DLGAP1: variants seen among roughly 807,000 people sequenced by gnomAD.
The protein encoded by DLGAP1 is disks large-associated protein 1.
A neutral mutation model predicts 90.8 loss-of-function variants in DLGAP1; 11 were observed. That is an observed-to-expected ratio of 0.12 (90% confidence interval 0.08 to 0.20). The LOEUF (loss-of-function observed/expected upper bound fraction) is 0.20, where lower values mean the gene tolerates loss of function less well. DLGAP1 is among the 10% of genes least tolerant of loss of function. The probability of loss-of-function intolerance (pLI) is 1.00; values close to 1 mark genes in which losing one functional copy is unlikely to be tolerated. For missense variants in DLGAP1, 1,050 were observed against 1,333.8 expected (o/e 0.79, Z 3.31); for synonymous variants, 558 against 540.7 (o/e 1.03, Z -0.44).
At chr18:3,795,251 T>C (rs2065931204) in intron 5 of DLGAP1, among the ~76,000 whole-genome samples, 1 of 152,188 alleles carries the variant, frequency 6.6e-6, no homozygotes. Context: ...GAGATTTTCT[T>C]ATTGGAAACT....
chr18:4,176,589 C>T (rs2144625718), intron 1 of DLGAP1, among the ~76,000 whole-genome samples: 1 of 152,314 alleles, frequency 6.6e-6, no homozygotes, highest in Non-Finnish European at 1.5e-5. Flanking sequence ...TCCTGCAACA[C>T]TACAGAAGTC....
At chr18:4,416,780 C>T (rs187105375) in intron 1 of DLGAP1, among the ~76,000 whole-genome samples, 1 of 152,278 alleles carries the variant, frequency 6.6e-6, no homozygotes, top group African/African-American at 2.4e-5. Context: ...CCATCACAGA[C>T]AGAATGGCAT....
intron 5 of DLGAP1, among the ~76,000 whole-genome samples, chr18:3,811,263 T>C (rs1053080133): frequency 4.6e-5 from 7 of 152,190 alleles, no homozygotes; most frequent in Admixed American, 3.9e-4. Flanking sequence ...GGGGATGTGA[T>C]GGTAGCACAG....
intron 11 of DLGAP1, among the ~76,000 whole-genome samples, chr18:3,505,044 C>G (rs2050140450): frequency 6.6e-6 from 1 of 152,136 alleles, no homozygotes; most frequent in African/African-American, 2.4e-5. Flanking sequence ...CAAAATAGAG[C>G]TATGATTTTT....
At chr18:4,437,374 A>C (rs574642553) in intron 1 of DLGAP1, among the ~76,000 whole-genome samples, 82 of 152,348 alleles carry the variant, frequency 5.4e-4, no homozygotes, top group African/African-American at 1.9e-3. Context: ...AATATCCATA[A>C]GGGAGTAGTT....
intron 1 of DLGAP1, among the ~76,000 whole-genome samples, chr18:4,362,829 C>CA (rs890356243): frequency 6.6e-6 from 1 of 151,956 alleles, no homozygotes; most frequent in Non-Finnish European, 1.5e-5. Flanking sequence ...CAAAGACATA[C>CA]AAGCAACTGA....
At chr18:4,272,789 G>A (rs1313650610) in intron 1 of DLGAP1, among the ~76,000 whole-genome samples, 1 of 152,198 alleles carries the variant, frequency 6.6e-6, no homozygotes, top group African/African-American at 2.4e-5. Context: ...ATGTGACCTT[G>A]TTTGGAAATG....
chr18:3,902,862 C>A (rs2071813751), intron 3 of DLGAP1, among the ~76,000 whole-genome samples: 1 of 151,976 alleles, frequency 6.6e-6, no homozygotes, highest in Non-Finnish European at 1.5e-5. Context: ...TGGCCTTGAG[C>A]CTTCCTCTCA....
chr18:4,016,057 C>T (rs893995986), intron 2 of DLGAP1, among the ~76,000 whole-genome samples: 1 of 152,186 alleles, frequency 6.6e-6, no homozygotes, highest in African/African-American at 2.4e-5. Context: ...GAGTAATGAA[C>T]ACATGCTATC....
rs532794429 is a variant in DLGAP1, at chr18:3,522,546, C to CTTTT, written c.2479+11644_2479+11647dup. On this transcript the variant is annotated intron_variant, in intron 10 of 12. Transcript: ENST00000315677. ...ACTTTAAAGACACGTGCAGTCAACT[C>CTTTT]TTTTTTTTTTTTTTTTTTGGAGACC... Among the ~76,000 whole-genome samples the CTTTT allele has an allele frequency of 7.6e-3, 887 of 116,502 alleles. 35 individuals are homozygous for CTTTT. The highest frequency in any genetic ancestry group is 0.048 in the East Asian group (189 of 3,938). 76.4% of individuals were successfully genotyped at this position (116,502 alleles called of 152,430 possible).
intron 7 of DLGAP1, among the ~76,000 whole-genome samples, chr18:3,686,021 G>T (rs1301158041): frequency 6.6e-6 from 1 of 151,760 alleles, no homozygotes; most frequent in African/African-American, 2.4e-5. Context: ...TAAAAATACA[G>T]AAAAATTTAA....
At chr18:3,507,378 A>G (rs2050293319) in intron 11 of DLGAP1, among the ~76,000 whole-genome samples, 1 of 151,318 alleles carries the variant, frequency 6.6e-6, no homozygotes, top group African/African-American at 2.4e-5. Flanking sequence ...TTAGCTGGGC[A>G]TGGTGGCATG....
intron 1 of DLGAP1, among the ~76,000 whole-genome samples, chr18:4,390,114 T>G (rs1484611966): frequency 6.6e-6 from 1 of 151,976 alleles, no homozygotes; most frequent in African/African-American, 2.4e-5. Flanking sequence ...CTGCCCTTCC[T>G]TATGGAGAGA....
At chr18:3,665,005 C>A (rs908718151) in intron 7 of DLGAP1, among the ~76,000 whole-genome samples, 1 of 152,096 alleles carries the variant, frequency 6.6e-6, no homozygotes, top group Non-Finnish European at 1.5e-5. Context: ...TTGTCTGTGA[C>A]GGCAGCTAAG....
At chr18:3,527,261 A>G (rs1826468051) in intron 10 of DLGAP1, among the ~76,000 whole-genome samples, 2 of 152,246 alleles carry the variant, frequency 1.3e-5, no homozygotes, top group Admixed American at 1.3e-4. Flanking sequence ...GCATAATGAC[A>G]TCACAAAATA....
intron 1 of DLGAP1, among the ~76,000 whole-genome samples, chr18:4,412,944 T>C (rs2082811066): frequency 6.6e-6 from 1 of 152,174 alleles, no homozygotes; most frequent in Non-Finnish European, 1.5e-5. Flanking sequence ...TTTTAGGTGA[T>C]GGCAGATCGG....
chr18:3,602,494 C>G (rs1296516397), intron 7 of DLGAP1, among the ~76,000 whole-genome samples: 1 of 147,234 alleles, frequency 6.8e-6, no homozygotes, highest in Non-Finnish European at 1.5e-5. Context: ...ACTCGGGAGG[C>G]TGAGGCAGGA....
intron 1 of DLGAP1, among the ~76,000 whole-genome samples, chr18:4,305,645 TAAGTA>T (rs1391456729): frequency 1.3e-5 from 2 of 152,118 alleles, no homozygotes; most frequent in African/African-American, 4.8e-5. Context: ...AACAATTTTC[TAAGTA>T]AAGTACTATT....
chr18:3,947,755 C>T (rs572724141), intron 3 of DLGAP1, among the ~76,000 whole-genome samples: 19 of 152,254 alleles, frequency 1.2e-4, no homozygotes, highest in African/African-American at 3.4e-4. Flanking sequence ...CTAATCTTAC[C>T]GGTTGGAGAA....
Sources: gnomAD v4.1 joint callset for allele counts (sites outside exome capture counted in the v4.1 genomes callset) on GRCh38, gnomAD v4.1.1 for gene constraint, MANE v1.5 for transcripts, NCBI Gene and HGNC (gene_info 2026-07-23, HGNC 2026-07-21) for gene names.